The following GNPTAB variants were observed in gnomAD, a reference collection of about 807,000 sequenced individuals.
GNPTAB encodes N-acetylglucosamine-1-phosphate transferase subunits alpha and beta.
GNPTAB carries 92 observed loss-of-function variants against 136.6 expected under a neutral mutation model. The ratio of observed to expected loss-of-function variants is 0.67; its 90% CI spans 0.57 to 0.80. GNPTAB has a LOEUF of 0.80. Among genes scored for constraint, GNPTAB ranks in the 30% least tolerant of loss-of-function variants. The pLI is 0.00. For missense variants in GNPTAB, 1,343 were observed against 1,501.8 expected (o/e 0.89, Z 1.75); for synonymous variants, 512 against 535.1 (o/e 0.96, Z 0.60).
At chr12:101,824,436 T>TTG (rs1870982082) in intron 1 of GNPTAB, among the ~76,000 whole-genome samples, 2 of 73,714 alleles carry the variant, frequency 2.7e-5, no homozygotes, top group Non-Finnish European at 5.1e-5. Flanking sequence ...ATATATATTT[T>TTG]CTTTTTTTTT....
chr12:101,780,047 A>C (rs1953317154), intron 7 of GNPTAB, 105 bp downstream of exon 7: 1 of 1,125,922 alleles, frequency 8.9e-7, no homozygotes, highest in Admixed American at 1.7e-5. Context: ...TTTGCTTCTT[A>C]TGTTTATCAG....
chr12:101,766,191 G>T lies in GNPTAB; in HGVS notation c.1512C>A (p.Tyr504Ter). The change falls in exon 12 of 21, where the codon TAC (tyrosine) becomes TAA (stop). Residue 504 changes from tyrosine (Y) to a stop codon, truncating the protein, a stop_gained. Transcript: ENST00000299314. LOFTEE classifies it high-confidence loss of function. ...QFGGGINSVS[Y>*]CNQGCANSWL... ...AGGAATTCGCACATCCCTGATTACA[G>T]TAAGAGACACTGTTTATTCCTCCAC... is the stretch of plus-strand genomic sequence containing the variant. 6.2e-7 allele frequency: 1 copy of T among 1,613,972 alleles called. No homozygotes were observed. Among genetic ancestry groups the T allele is most frequent in the African/African-American group, 1.3e-5 (1 of 75,026 alleles).
Position 101,747,033 on chromosome 12 carries a change from C to T in GNPTAB, c.*131G>A. 1.4e-6 allele frequency: 1 copy of T among 696,700 alleles called. No homozygotes were observed. Among genetic ancestry groups the T allele is most frequent in the East Asian group, 2.7e-5 (1 of 36,628 alleles). The allele number at this position is 696,700 out of a possible 1,614,324, so 43.2% of individuals were successfully genotyped here. On this transcript the variant is annotated 3_prime_UTR_variant, in exon 21 of 21. Transcript: ENST00000299314. ...AGTGGGCTATATTCATGCCACAAAA[C>T]AGCATGGTACTGGATATTTTCCTTC...
Position 101,746,818 on chromosome 12 carries a change from A to C in GNPTAB, c.*346T>G, listed in dbSNP as rs1952741470. On this transcript the variant is annotated 3_prime_UTR_variant, in exon 21 of 21. Transcript: ENST00000299314. ...CTGGAGCCTCTTAGCAATCACTCCC[A>C]GCTGGCATAGGCTTCTCCTAATAAA... 2 of 227,144 alleles carry C rather than the reference A, an allele frequency of 8.8e-6. No individual in the cohort carries two copies. Among genetic ancestry groups the C allele is most frequent in the South Asian group, 8.1e-5 (1 of 12,356 alleles). The allele number at this position is 227,144 out of a possible 1,614,324, so 14.1% of individuals were successfully genotyped here. A position where few individuals can be genotyped will look rare whatever the true frequency, so the allele number is the denominator to read the frequency against.
rs537523286 is a variant in GNPTAB, at chr12:101,808,737, G to A, written c.118-11975C>T. Among the ~76,000 whole-genome samples the A allele has an allele frequency of 4.3e-4, 66 of 152,128 alleles. No individual in the cohort carries two copies. In the Middle Eastern group the frequency reaches 0.02, roughly 47 times the overall value. On this transcript the variant is annotated intron_variant, in intron 1 of 20. Transcript: ENST00000299314. Reference sequence around the variant, plus strand: ...TGAGGCGAGTGGATCACCTGAGGTCGGGAGTTCGAGACCAGCCTGGCCAAC... The same window carrying A: ...TGAGGCGAGTGGATCACCTGAGGTCAGGAGTTCGAGACCAGCCTGGCCAAC...
In GNPTAB at chr12:101,796,526, A is replaced by G. The variant is rs184606042; in HGVS notation, c.203+151T>C. 105 of 655,566 alleles carry G rather than the reference A, an allele frequency of 1.6e-4. No individual in the cohort carries two copies. In the African/African-American group the frequency reaches 1.8e-3, roughly 11 times the overall value. The allele number at this position is 655,566 out of a possible 1,614,324, so 40.6% of individuals were successfully genotyped here. On this transcript the variant is annotated intron_variant, in intron 2 of 20. Coordinates refer to ENST00000299314, the MANE Select transcript of GNPTAB (RefSeq NM_024312.5). ...CCTTTTTTTTAGTATATGTGCTGCT[A>G]AAGTGAACACATCAGATGGGCATAC... is the stretch of plus-strand genomic sequence containing the variant.
chr12:101,808,450 G>C (rs1870050295), intron 1 of GNPTAB, among the ~76,000 whole-genome samples: 1 of 151,764 alleles, frequency 6.6e-6, no homozygotes, highest in African/African-American at 2.4e-5. Flanking sequence ...GCTGAGGTGA[G>C]AGGATCACTT....
At chr12:101,824,405 CATATATATATAT>C (rs373112951) in intron 1 of GNPTAB, among the ~76,000 whole-genome samples, 13 of 47,818 alleles carry the variant, frequency 2.7e-4, no homozygotes, top group South Asian at 8.1e-4. Context: ...GAAATTTCAC[CATATATATATAT>C]ATATATATAT....
intron 9 of GNPTAB, 62 bp downstream of exon 9, chr12:101,770,344 G>T: frequency 7.2e-7 from 1 of 1,394,954 alleles, no homozygotes. Context: ...GGAAATCCCT[G>T]TACCACACTA....
chr12:101,764,055 G>A (rs1953044153), intron 13 of GNPTAB, 147 bp downstream of exon 13: 1 of 1,028,672 alleles, frequency 9.7e-7, no homozygotes, highest in Admixed American at 2.4e-5. Context: ...GGGTTATTGG[G>A]TAAATTAAAT....
intron 2 of GNPTAB, among the ~76,000 whole-genome samples, chr12:101,794,580 C>A (rs530761680): frequency 2.0e-5 from 3 of 151,932 alleles, no homozygotes; most frequent in African/African-American, 7.3e-5. Context: ...ATATATTAGA[C>A]CATGTGAAAT....
intron 7 of GNPTAB, among the ~76,000 whole-genome samples, chr12:101,774,388 CA>C (rs1438380251): frequency 5.3e-5 from 8 of 152,042 alleles, no homozygotes; most frequent in Admixed American, 4.6e-4. Flanking sequence ...CAATGGAGAC[CA>C]ATTTCAATGG....
At chr12:101,830,323 T>C (rs938423357) in intron 1 of GNPTAB, among the ~76,000 whole-genome samples, 16 of 152,206 alleles carry the variant, frequency 1.1e-4, no homozygotes, top group Admixed American at 1.0e-3. Context: ...CACACGTTTA[T>C]GATAAAGAAT....
chr12:101,809,413 A>G (rs1258641231), intron 1 of GNPTAB, among the ~76,000 whole-genome samples: 2 of 152,234 alleles, frequency 1.3e-5, no homozygotes, highest in Non-Finnish European at 2.9e-5. Flanking sequence ...TATCACAGTC[A>G]TGCTCCTAAG....
chr12:101,765,041 T>C lies in GNPTAB; in HGVS notation c.1876A>G (p.Lys626Glu), dbSNP rs765744498. ...TCCACCTCCACTGTTATCTGCATTT[T>C]GAACTCTTCATCGTTTGTATTTTGA... The part of the protein sequence containing the change: ...TFQNTNDEEF[K>E]MQITVEVDTR... The change falls in exon 13 of 21, where the codon AAA (lysine) becomes GAA (glutamate). Residue 626 changes from lysine (K) to glutamate (E), a missense_variant. Coordinates refer to ENST00000299314, the MANE Select transcript of GNPTAB (RefSeq NM_024312.5). The C allele has an allele frequency of 3.1e-6, 5 of 1,614,224 alleles. No homozygotes were observed. Among genetic ancestry groups the C allele is most frequent in the Non-Finnish European group, 4.2e-6 (5 of 1,180,016 alleles).
chr12:101,797,802 T>A (rs1314509473), intron 1 of GNPTAB, among the ~76,000 whole-genome samples: 1 of 152,068 alleles, frequency 6.6e-6, no homozygotes, highest in Non-Finnish European at 1.5e-5. Context: ...CACACATACA[T>A]CCCATTTTCT....
At chr12:101,797,456 C>T (rs778671659) in intron 1 of GNPTAB, among the ~76,000 whole-genome samples, 1 of 152,114 alleles carries the variant, frequency 6.6e-6, no homozygotes, top group Non-Finnish European at 1.5e-5. Flanking sequence ...GAAACCCCGT[C>T]TCTACTAAAA....
chr12:101,788,117 G>A (rs1868772407), intron 4 of GNPTAB, among the ~76,000 whole-genome samples: 1 of 152,270 alleles, frequency 6.6e-6, no homozygotes, highest in Middle Eastern at 3.4e-3. Flanking sequence ...TTGTTGTTGG[G>A]CTAAATCTCC....
rs749179651 is a variant in GNPTAB, at chr12:101,765,097, T to C, written c.1820A>G (p.Asn607Ser). The C allele has an allele frequency of 6.2e-7, 1 of 1,614,182 alleles. No individual in the cohort carries two copies. Among genetic ancestry groups the C allele is most frequent in the East Asian group, 2.2e-5 (1 of 44,886 alleles). Residue 607 changes from asparagine to serine, a missense_variant, in exon 13 of 21, where the codon AAT becomes AGT. Asn to Ser is a conservative substitution (Grantham distance 46). Coordinates refer to ENST00000299314, the MANE Select transcript of GNPTAB (RefSeq NM_024312.5). Reference protein sequence around the residue: ...TIHLIMHSGMNATTIHFNLTF... With the variant: ...TIHLIMHSGMSATTIHFNLTF... ...GAGATTAAAATGTATTGTGGTGGCA[T>C]TCATTCCACTGTGCATTATGAGGTG... is the stretch of plus-strand genomic sequence containing the variant.
Sources: allele counts gnomAD v4.1 joint callset (sites outside exome capture counted in the v4.1 genomes callset), GRCh38; gene constraint gnomAD v4.1.1; transcripts MANE v1.5; gene names NCBI Gene and HGNC (gene_info 2026-07-23, HGNC 2026-07-21).